Variants in COX10 observed in about 807,000 individuals in gnomAD.
COX10 encodes the protein protoheme IX farnesyltransferase, mitochondrial.
Under a neutral mutation model 37.3 loss-of-function variants are expected in COX10, and 27 were observed. The ratio of observed to expected loss-of-function variants is 0.72; its 90% CI spans 0.53 to 1.00. The LOEUF (loss-of-function observed/expected upper bound fraction) is 1.00. Among genes scored for constraint, COX10 ranks in the 50% least tolerant of loss-of-function variants. The pLI is 0.00. For synonymous variants in COX10, 222 were observed against 229.1 expected (o/e 0.97, Z 0.28); for missense variants, 475 against 563.2 (o/e 0.84, Z 1.59).
At chr17:14,203,460 C>T (rs987871198) in intron 6 of COX10, among the ~76,000 whole-genome samples, 18 of 152,110 alleles carry the variant, frequency 1.2e-4, no homozygotes, top group Admixed American at 8.5e-4. Flanking sequence ...ACACAAATTC[C>T]GCTTGATAAG....
At chr17:14,084,305 T>C (rs1325776980) in intron 3 of COX10, among the ~76,000 whole-genome samples, 1 of 152,114 alleles carries the variant, frequency 6.6e-6, no homozygotes, top group African/African-American at 2.4e-5. Flanking sequence ...TATTTTTAAT[T>C]ATATGACTAG....
At position 14,173,519 on chromosome 17, in the gene COX10, G is replaced by A. The variant is rs562547102; in HGVS notation, c.695+13572G>A. Among the ~76,000 whole-genome samples the A allele has an allele frequency of 2.6e-5, 4 of 152,342 alleles. No individual in the cohort carries two copies. In the South Asian group the frequency reaches 8.3e-4, roughly 32 times the overall value. ...GGTGAGCAAAGATGCAAAGATGGGA[G>A]TGCAAAATACATGTGTAAGGATAAA... On this transcript the variant is annotated intron_variant, in intron 5 of 6. Transcript: ENST00000261643.
At chr17:14,126,736 G>A (rs1398417510) in intron 4 of COX10, among the ~76,000 whole-genome samples, 2 of 152,024 alleles carry the variant, frequency 1.3e-5, no homozygotes, top group African/African-American at 2.4e-5. Context: ...TATAGCATGA[G>A]GGGGAGAATT....
chr17:14,162,395 A>G (rs1905187998), intron 5 of COX10, among the ~76,000 whole-genome samples: 1 of 152,310 alleles, frequency 6.6e-6, no homozygotes, highest in Non-Finnish European at 1.5e-5. Context: ...CCTTCATCAG[A>G]GAATAAAAGG....
intron 3 of COX10, among the ~76,000 whole-genome samples, chr17:14,094,639 C>G (rs1915604438): frequency 2.0e-5 from 3 of 152,150 alleles, no homozygotes. Context: ...AGAGAGATAA[C>G]TTAGATTATA....
intron 1 of COX10, among the ~76,000 whole-genome samples, chr17:14,070,935 G>T (rs1417258282): frequency 1.3e-5 from 2 of 152,200 alleles, no homozygotes; most frequent in African/African-American, 4.8e-5. Flanking sequence ...TCTGGTAATT[G>T]TTGAAGCTTG....
intron 4 of COX10, among the ~76,000 whole-genome samples, chr17:14,158,542 A>G (rs1212164030): frequency 1.3e-5 from 2 of 152,062 alleles, no homozygotes; most frequent in Non-Finnish European, 2.9e-5. Flanking sequence ...AACACACTCT[A>G]CAAAGAGCTA....
chr17:14,125,651 C>T lies in COX10; in HGVS notation c.624+23409C>T, dbSNP rs529502367. ...TGTATTCATCTTTATTGTATGTTCT[C>T]AGAGAGGACTTCACGGCTAATGTTC... On this transcript the variant is annotated intron_variant, in intron 4 of 6. Transcript: ENST00000261643. Among the ~76,000 whole-genome samples, 28 of 152,222 alleles carry T rather than the reference C, an allele frequency of 1.8e-4. No homozygotes were observed. The South Asian group carries it at 5.6e-3, about 30-fold the overall frequency.
intron 3 of COX10, among the ~76,000 whole-genome samples, chr17:14,082,872 G>A (rs1202248567): frequency 1.3e-5 from 2 of 152,300 alleles, no homozygotes; most frequent in Admixed American, 1.3e-4. Flanking sequence ...GTTTGATGAG[G>A]ACACCAGATG....
intron 5 of COX10, among the ~76,000 whole-genome samples, chr17:14,168,599 C>T (rs1199438300): frequency 6.6e-6 from 1 of 152,232 alleles, no homozygotes; most frequent in Non-Finnish European, 1.5e-5. Flanking sequence ...CTCCCAAAGC[C>T]CAGCTCTTGT....
intron 3 of COX10, among the ~76,000 whole-genome samples, chr17:14,099,865 T>C (rs908898276): frequency 6.6e-6 from 1 of 152,064 alleles, no homozygotes; most frequent in African/African-American, 2.4e-5. Flanking sequence ...AAACAGCACA[T>C]GTTCCTAAGG....
chr17:14,090,981 A>G (rs1168408704), intron 3 of COX10, among the ~76,000 whole-genome samples: 1 of 152,208 alleles, frequency 6.6e-6, no homozygotes, highest in Admixed American at 6.6e-5. Flanking sequence ...GTAGCGAACT[A>G]GCTTGCCACC....
intron 6 of COX10, among the ~76,000 whole-genome samples, chr17:14,200,784 G>A (rs1266752160): frequency 6.6e-6 from 1 of 152,238 alleles, no homozygotes; most frequent in Non-Finnish European, 1.5e-5. Context: ...AGATTGTGCA[G>A]GGTTAGGTAG....
intron 6 of COX10, among the ~76,000 whole-genome samples, chr17:14,193,005 G>A (rs1906256866): frequency 6.6e-6 from 1 of 152,074 alleles, no homozygotes; most frequent in Non-Finnish European, 1.5e-5. Context: ...ACTCCAATTT[G>A]GCAAGCTTAC....
At chr17:14,123,320 G>T (rs527512156) in intron 4 of COX10, among the ~76,000 whole-genome samples, 1 of 152,116 alleles carries the variant, frequency 6.6e-6, no homozygotes, top group African/African-American at 2.4e-5. Flanking sequence ...TTTAAGTTGC[G>T]TATTCACAAT....
chr17:14,122,490 C>T (rs62055188), intron 4 of COX10, among the ~76,000 whole-genome samples: 19,611 of 152,174 alleles, frequency 0.13, 1,593 homozygotes, highest in Non-Finnish European at 0.18. Flanking sequence ...AACCAAGGGA[C>T]ATTTAATACA....
At chr17:14,097,939 C>T (rs553219856) in intron 3 of COX10, among the ~76,000 whole-genome samples, 1 of 152,054 alleles carries the variant, frequency 6.6e-6, no homozygotes, top group Admixed American at 6.5e-5. Flanking sequence ...AAATAATTGT[C>T]GTACTGTATT....
rs866229908 is a variant in COX10, at chr17:14,187,798, G to A, written c.696-4191G>A. Among the ~76,000 whole-genome samples the A allele has an allele frequency of 2.6e-5, 4 of 152,322 alleles. No individual in the cohort carries two copies. The Middle Eastern group carries it at 0.014, about 518-fold the overall frequency. On this transcript the variant is annotated intron_variant, in intron 5 of 6. Transcript: ENST00000261643. ...GCCAGAAGGGGAAGGATTCCTTCAG[G>A]TGCCTGGATGCTGAGAGTGATCATG...
intron 4 of COX10, among the ~76,000 whole-genome samples, chr17:14,112,561 A>C (rs1916026218): frequency 6.6e-6 from 1 of 152,210 alleles, no homozygotes; most frequent in Non-Finnish European, 1.5e-5. Context: ...AGATGAATAA[A>C]TAAGTGCAAT....
Sources: gnomAD v4.1 joint callset for allele counts (sites outside exome capture counted in the v4.1 genomes callset) on GRCh38, gnomAD v4.1.1 for gene constraint, MANE v1.5 for transcripts, NCBI Gene and HGNC (gene_info 2026-07-23, HGNC 2026-07-21) for gene names.